The following THADA variants were observed in gnomAD, a reference collection of about 807,000 sequenced individuals.
THADA encodes the protein THADA armadillo repeat containing.
THADA carries 213 observed loss-of-function variants against 219.8 expected under a neutral mutation model. The ratio of observed to expected loss-of-function variants is 0.97; its 90% confidence interval spans 0.87 to 1.09. The LOEUF (loss-of-function observed/expected upper bound fraction) is 1.09. Ranked by LOEUF, THADA falls within the 50% of genes least tolerant of loss-of-function variation. The pLI, the probability that THADA is intolerant of heterozygous loss-of-function variation, is 0.00. For missense variants in THADA, 2,956 were observed against 2,311.3 expected, an observed-to-expected ratio of 1.28 and a Z score of -5.72; for synonymous variants, 1,018 against 828.9, an observed-to-expected ratio of 1.23 and a Z score of -3.92.
At chr2:43,380,576 A>T (rs1357182076) in intron 29 of THADA, among the ~76,000 whole-genome samples, 1 of 152,194 alleles carries the variant, frequency 6.6e-6, no homozygotes, top group Non-Finnish European at 1.5e-5. Flanking sequence ...ACAGAAATAG[A>T]CATGTGTGCA....
intron 21 of THADA, among the ~76,000 whole-genome samples, chr2:43,539,259 G>A (rs149550879): frequency 6.6e-6 from 1 of 152,322 alleles, no homozygotes; most frequent in East Asian, 1.9e-4. Flanking sequence ...AGCTTTGCCA[G>A]GGCAACTATG....
At chr2:43,502,561 G>C (rs1689128841) in intron 24 of THADA, among the ~76,000 whole-genome samples, 1 of 147,010 alleles carries the variant, frequency 6.8e-6, no homozygotes, top group African/African-American at 2.5e-5. Context: ...CTCCAGCCTA[G>C]GCCACAGAGT....
rs568341435 is a variant in THADA at position 43,253,139 on chromosome 2, A to C, written c.5297-20257T>G. Among the ~76,000 whole-genome samples the C allele has an allele frequency of 6.2e-4, 95 of 152,252 alleles. 1 individual carries two copies. The highest frequency in any genetic ancestry group is 2.2e-3 in the African/African-American group (93 of 41,530). ...GGCTTGAAGACAGATCAGGGTCTAG[A>C]AGATGTGGTTTTAGGGCAGGGGAGT... On this transcript the variant is annotated intron_variant, in intron 36 of 37. Coordinates refer to ENST00000405975, the MANE Select transcript of THADA (RefSeq NM_022065.5).
At chr2:43,485,457 T>A in intron 25 of THADA, 132 bp from the exon 26 acceptor site, 1 of 649,112 alleles carries the variant, frequency 1.5e-6, no homozygotes, top group Non-Finnish European at 2.6e-6. Context: ...CAGATTTGTG[T>A]TCATAAAATA....
intron 29 of THADA, among the ~76,000 whole-genome samples, chr2:43,389,701 A>G (rs1314446515): frequency 2.6e-5 from 4 of 152,178 alleles, no homozygotes; most frequent in African/African-American, 9.6e-5. Context: ...ACACTTTCTG[A>G]TGCCCTCCTC....
intron 20 of THADA, among the ~76,000 whole-genome samples, chr2:43,545,855 T>G (rs999261630): frequency 6.6e-6 from 1 of 152,208 alleles, no homozygotes; most frequent in Non-Finnish European, 1.5e-5. Context: ...TTGAAGGGTT[T>G]TTTGTGTCTG....
rs920357727 is a variant in THADA, at chr2:43,310,228, C to T, written c.4438+10218G>A. 3.2e-4 allele frequency among the ~76,000 whole-genome samples: 35 copies of T among 110,402 alleles called. 1 individual carries two copies. In the Admixed American group the frequency reaches 3.9e-3, roughly 12 times the overall value. 72.4% of individuals were successfully genotyped at this position (110,402 alleles called of 152,430 possible). A position where few individuals can be genotyped will look rare whatever the true frequency, so the allele number is the denominator to read the frequency against. ...CTCCCTCCCTCCCTCCCTTTCCCGC[C>T]CCCCCCCCAAACAAGCTGATCCTAA... On this transcript the variant is annotated intron_variant, in intron 31 of 37. Transcript: ENST00000405975.
intron 36 of THADA, among the ~76,000 whole-genome samples, chr2:43,268,662 T>C (rs1202815237): frequency 6.6e-6 from 1 of 152,184 alleles, no homozygotes; most frequent in Non-Finnish European, 1.5e-5. Context: ...AACAGCAGGA[T>C]GGTGAGGGAG....
chr2:43,317,769 A>T (rs1303870585), intron 31 of THADA, among the ~76,000 whole-genome samples: 1 of 152,250 alleles, frequency 6.6e-6, no homozygotes, highest in Non-Finnish European at 1.5e-5. Flanking sequence ...CATATACATA[A>T]ATACAAACAC....
intron 26 of THADA, among the ~76,000 whole-genome samples, chr2:43,474,256 G>A (rs921604782): frequency 6.6e-6 from 1 of 152,126 alleles, no homozygotes; most frequent in East Asian, 1.9e-4. Flanking sequence ...AAAGAGATGG[G>A]GGTTTAAAGA....
chr2:43,581,694 T>G (rs1288998413), intron 8 of THADA, 47 bp downstream of exon 8: 1 of 1,517,068 alleles, frequency 6.6e-7, no homozygotes, highest in East Asian at 2.3e-5. Context: ...GACACTCAAT[T>G]TTAACTGTCA....
chr2:43,514,608 A>T (rs1404385643), intron 22 of THADA, among the ~76,000 whole-genome samples: 1 of 94,312 alleles, frequency 1.1e-5, no homozygotes, highest in African/African-American at 4.8e-5. Flanking sequence ...TTTTATATAT[A>T]TTTTATATAT....
At chr2:43,451,149 A>G (rs1682265612) in intron 26 of THADA, among the ~76,000 whole-genome samples, 1 of 152,286 alleles carries the variant, frequency 6.6e-6, no homozygotes. Flanking sequence ...TTAAATTAAA[A>G]CAAAGAAACC....
At chr2:43,385,563 A>G (rs1672562165) in intron 29 of THADA, among the ~76,000 whole-genome samples, 1 of 150,218 alleles carries the variant, frequency 6.7e-6, no homozygotes, top group African/African-American at 2.4e-5. Flanking sequence ...GCGGAGATCA[A>G]GCCACTGCAC....
At chr2:43,419,962 T>C (rs559817647) in intron 28 of THADA, among the ~76,000 whole-genome samples, 2 of 152,350 alleles carry the variant, frequency 1.3e-5, no homozygotes, top group Admixed American at 6.5e-5. Context: ...ATTTTGTGAA[T>C]TTCCTGGGTC....
At chr2:43,291,454 CAAAA>C (rs765352765) in intron 34 of THADA, among the ~76,000 whole-genome samples, 50 of 8,092 alleles carry the variant, frequency 6.2e-3, no homozygotes, top group East Asian at 7.3e-3. Flanking sequence ...AACTCCATCT[CAAAA>C]AAAAAAAAAA....
At chr2:43,403,227 G>C (rs932689538) in intron 28 of THADA, among the ~76,000 whole-genome samples, 1 of 152,094 alleles carries the variant, frequency 6.6e-6, no homozygotes, top group African/African-American at 2.4e-5. Flanking sequence ...AAAATCCCCA[G>C]AGCCTTGGAA....
intron 36 of THADA, among the ~76,000 whole-genome samples, chr2:43,271,078 C>G (rs1032456686): frequency 2.6e-5 from 4 of 152,156 alleles, no homozygotes; most frequent in Non-Finnish European, 5.9e-5. Flanking sequence ...ATTCATGTAG[C>G]CTTGGCTCTG....
At chr2:43,565,669 GC>G (rs2103968121) in intron 15 of THADA, 1 of 152,330 alleles carries the variant, frequency 6.6e-6, no homozygotes, top group South Asian at 2.1e-4. Flanking sequence ...GCTCCCTCAT[GC>G]TTTGGCCATT....
Sources: allele counts gnomAD v4.1 joint callset (sites outside exome capture counted in the v4.1 genomes callset), GRCh38; gene constraint gnomAD v4.1.1; transcripts MANE v1.5; gene names NCBI Gene and HGNC (gene_info 2026-07-23, HGNC 2026-07-21).